RNF150: variants seen among roughly 807,000 people sequenced by gnomAD.
The protein encoded by RNF150 is ring finger protein 150.
In RNF150, 24 loss-of-function variants were observed where a neutral mutation model predicts 39.3. The observed-to-expected ratio is 0.61, with a 90% CI of 0.44 to 0.86. The LOEUF (loss-of-function observed/expected upper bound fraction) is 0.86. Ranked by LOEUF, RNF150 falls within the 40% of genes least tolerant of loss-of-function variation. The probability of loss-of-function intolerance (pLI) is 0.00; values close to 1 mark genes in which losing one functional copy is unlikely to be tolerated. For synonymous variants in RNF150, 255 were observed against 227.3 expected, an observed-to-expected ratio of 1.12 and a Z score of -1.10; for missense variants, 502 against 587.8, an observed-to-expected ratio of 0.85 and a Z score of 1.51.
chr4:141,009,672 T>A (rs910483595), intron 1 of RNF150, among the ~76,000 whole-genome samples: 2 of 152,204 alleles, frequency 1.3e-5, no homozygotes, highest in African/African-American at 4.8e-5. Context: ...TTAATTCAAA[T>A]TGCACCTATT....
intron 4 of RNF150, among the ~76,000 whole-genome samples, chr4:140,947,034 G>A (rs1030399374): frequency 6.6e-6 from 1 of 152,016 alleles, no homozygotes; most frequent in Non-Finnish European, 1.5e-5. Flanking sequence ...ACTTCTCAGT[G>A]AATTTCAATT....
intron 6 of RNF150, among the ~76,000 whole-genome samples, chr4:140,886,060 A>G (rs1333309501): frequency 6.6e-6 from 1 of 151,934 alleles, no homozygotes; most frequent in Non-Finnish European, 1.5e-5. Flanking sequence ...GCGTGGTGGC[A>G]GGCGCCTGTA....
In RNF150 at chr4:141,088,573, G is replaced by A. The variant is rs557836675; in HGVS notation, c.484+43752C>T. 5.1e-4 allele frequency among the ~76,000 whole-genome samples: 77 copies of A among 152,058 alleles called. 1 individual carries two copies. Among genetic ancestry groups the A allele is most frequent in the African/African-American group, 1.7e-3 (69 of 41,454 alleles). On this transcript the variant is annotated intron_variant, in intron 1 of 6. Coordinates refer to ENST00000515673, the MANE Select transcript of RNF150 (RefSeq NM_020724.2). ...GCAATTCAACGGGAAATTCAACTAC[G>A]TCTTTTTTTAAATGTTGGTTACCTG...
intron 1 of RNF150, among the ~76,000 whole-genome samples, chr4:141,038,138 G>C (rs1468387144): frequency 6.6e-6 from 1 of 152,118 alleles, no homozygotes; most frequent in Non-Finnish European, 1.5e-5. Flanking sequence ...TACCCCTAAA[G>C]GGCTCCAGGT....
chr4:141,040,674 G>T (rs912348594), intron 1 of RNF150, among the ~76,000 whole-genome samples: 1 of 152,190 alleles, frequency 6.6e-6, no homozygotes, highest in Admixed American at 6.6e-5. Context: ...AAGGAATCTG[G>T]TCCTCTACAC....
intron 6 of RNF150, among the ~76,000 whole-genome samples, chr4:140,883,909 A>C (rs1363283771): frequency 6.6e-6 from 1 of 151,602 alleles, no homozygotes; most frequent in East Asian, 1.9e-4. Context: ...TAGAACTCTC[A>C]TGATGCACAT....
chr4:141,094,415 C>T (rs541814256), intron 1 of RNF150, among the ~76,000 whole-genome samples: 2 of 152,334 alleles, frequency 1.3e-5, no homozygotes, highest in South Asian at 2.1e-4. Flanking sequence ...CTTTAAAATG[C>T]TAAGAGTAAC....
At chr4:141,083,620 T>C (rs1738243008) in intron 1 of RNF150, among the ~76,000 whole-genome samples, 1 of 152,080 alleles carries the variant, frequency 6.6e-6, no homozygotes. Flanking sequence ...AGGAAACTGA[T>C]GTCACAGGAA....
chr4:141,196,481 C>T (rs1728203168), intron 1 of RNF150, among the ~76,000 whole-genome samples: 1 of 152,176 alleles, frequency 6.6e-6, no homozygotes, highest in Middle Eastern at 3.2e-3. Context: ...TTCAGAGCTG[C>T]CTTGGGTTCT....
At chr4:141,050,513 G>A (rs28416177) in intron 1 of RNF150, among the ~76,000 whole-genome samples, 13,382 of 152,244 alleles carry the variant, frequency 0.088, 863 homozygotes, top group East Asian at 0.38. Flanking sequence ...TAGATACAAT[G>A]GGGGTACAGG....
chr4:140,871,037 CACTTTAT>C (rs1728918519), intron 6 of RNF150, among the ~76,000 whole-genome samples: 2 of 151,978 alleles, frequency 1.3e-5, no homozygotes, highest in South Asian at 4.2e-4. Flanking sequence ...CACACACACA[CACTTTAT>C]ACTTATGAGA....
intron 1 of RNF150, among the ~76,000 whole-genome samples, chr4:141,006,449 A>G (rs1423648607): frequency 6.6e-6 from 1 of 152,216 alleles, no homozygotes; most frequent in Non-Finnish European, 1.5e-5. Flanking sequence ...GGAAAGTGAC[A>G]TCTGGCAACA....
chr4:140,914,190 C>A (rs1253365084), intron 5 of RNF150, among the ~76,000 whole-genome samples: 1 of 152,000 alleles, frequency 6.6e-6, no homozygotes, highest in Non-Finnish European at 1.5e-5. Flanking sequence ...GGGTAGAGGG[C>A]AAAAGAGCTA....
chr4:141,195,697 A>G (rs1395525729), intron 1 of RNF150, among the ~76,000 whole-genome samples: 1 of 152,238 alleles, frequency 6.6e-6, no homozygotes, highest in Non-Finnish European at 1.5e-5. Flanking sequence ...ATAGTTTAGA[A>G]AAACACAAGG....
chr4:141,021,584 G>A (rs1390461181), intron 1 of RNF150, among the ~76,000 whole-genome samples: 1 of 152,118 alleles, frequency 6.6e-6, no homozygotes, highest in Non-Finnish European at 1.5e-5. Context: ...AGGTATATGG[G>A]TAATCTCGTG....
At chr4:140,911,503 A>C (rs1200585031) in intron 5 of RNF150, 149 bp from the exon 6 acceptor site, 4 of 571,806 alleles carry the variant, frequency 7.0e-6, no homozygotes, top group Middle Eastern at 4.7e-4. Context: ...TTCTATATAT[A>C]GTTTCTATAA....
chr4:141,030,328 A>G (rs1221428207), intron 1 of RNF150, among the ~76,000 whole-genome samples: 1 of 152,086 alleles, frequency 6.6e-6, no homozygotes, highest in Non-Finnish European at 1.5e-5. Context: ...AGAATATAAA[A>G]TTAAAAACAT....
chr4:140,976,768 T>A (rs1733679085), intron 1 of RNF150, among the ~76,000 whole-genome samples: 1 of 152,070 alleles, frequency 6.6e-6, no homozygotes, highest in East Asian at 1.9e-4. Context: ...GCACTTCTAT[T>A]TCTCCATGGA....
rs371475147 is a variant in RNF150 at position 141,191,984 on chromosome 4, A to G, written c.-6+20810T>C. 2.6e-5 allele frequency among the ~76,000 whole-genome samples: 4 copies of G among 151,982 alleles called. No homozygotes were observed. In the East Asian group the frequency reaches 7.7e-4, roughly 29 times the overall value. On this transcript the variant is annotated intron_variant, in intron 1 of 7. Transcript: ENST00000420921. ...CTGCTTCCACCTGCTCCTAATTCCC[A>G]TCCTCAGATTCCTATGAATCAGATG...
Sources: gnomAD v4.1 joint callset for allele counts (sites outside exome capture counted in the v4.1 genomes callset) on GRCh38, gnomAD v4.1.1 for gene constraint, MANE v1.5 for transcripts, NCBI Gene and HGNC (gene_info 2026-07-23, HGNC 2026-07-21) for gene names.